The following SUGCT variants were observed in gnomAD, a reference collection of about 807,000 sequenced individuals.
SUGCT encodes the protein succinyl-CoA:glutarate-CoA transferase, also known as succinyl-CoA:glutarate CoA-transferase.
A neutral mutation model predicts 55.0 loss-of-function variants in SUGCT; 41 were observed. The ratio of observed to expected loss-of-function variants is 0.74; its 90% CI spans 0.58 to 0.97. The LOEUF (loss-of-function observed/expected upper bound fraction) is 0.97. Ranked by LOEUF, SUGCT falls within the 50% of genes least tolerant of loss-of-function variation. The pLI, the probability that SUGCT is intolerant of heterozygous loss-of-function variation, is 0.00. For missense variants in SUGCT, 568 were observed against 547.8 expected, an observed-to-expected ratio of 1.04 and a Z score of -0.37; for synonymous variants, 187 against 200.4, an observed-to-expected ratio of 0.93 and a Z score of 0.56.
chr7:40,371,170 C>G (rs1784278585), intron 9 of SUGCT, among the ~76,000 whole-genome samples: 1 of 152,110 alleles, frequency 6.6e-6, no homozygotes, highest in African/African-American at 2.4e-5. Context: ...CCAATTTTCC[C>G]TCACTTTCTC....
At chr7:40,827,715 C>T (rs182321731) in intron 13 of SUGCT, among the ~76,000 whole-genome samples, 70 of 152,250 alleles carry the variant, frequency 4.6e-4, no homozygotes, top group Non-Finnish European at 8.5e-4. Context: ...ACTCGTTTGC[C>T]CATTCTCAGG....
the SUGCT span, among the ~76,000 whole-genome samples, chr7:41,007,863 A>AT: frequency 1.5e-4 from 21 of 144,112 alleles, no homozygotes; most frequent in Admixed American, 1.3e-3. Context: ...GGTCTTATGT[A>AT]TTTTTTTTAA....
At chr7:40,317,028 TTTTGCGTATTTC>T in intron 9 of SUGCT, among the ~76,000 whole-genome samples, 173 bp downstream of exon 9, 2 of 146,324 alleles carry the variant, frequency 1.4e-5, no homozygotes, top group Non-Finnish European at 3.0e-5. Flanking sequence ...TTAAGTTCTG[TTTTGCGTATTTC>T]TTCATCAGAA....
intron 13 of SUGCT, among the ~76,000 whole-genome samples, chr7:40,836,517 T>C (rs1382679926): frequency 6.6e-6 from 1 of 152,208 alleles, no homozygotes; most frequent in African/African-American, 2.4e-5. Flanking sequence ...ATCATACACG[T>C]AGATCCTTGT....
At chr7:40,441,452 G>A (rs1788510297) in intron 9 of SUGCT, among the ~76,000 whole-genome samples, 1 of 152,018 alleles carries the variant, frequency 6.6e-6, no homozygotes, top group Non-Finnish European at 1.5e-5. Flanking sequence ...AATAGGGCTT[G>A]ATTTGAATAC....
intron 7 of SUGCT, among the ~76,000 whole-genome samples, chr7:40,273,395 A>G (rs1224059859): frequency 6.6e-6 from 1 of 152,240 alleles, no homozygotes; most frequent in Non-Finnish European, 1.5e-5. Context: ...GAGGTAATTG[A>G]ATCACTGCAT....
intron 12 of SUGCT, among the ~76,000 whole-genome samples, chr7:40,580,329 C>T (rs927029166): frequency 6.6e-6 from 1 of 152,020 alleles, no homozygotes; most frequent in Admixed American, 6.6e-5. Context: ...AAGGTAGAGA[C>T]CATTCTATAA....
rs1248403346 is a variant in SUGCT, at chr7:40,817,165, C to T, written c.1154-43151C>T. Among the ~76,000 whole-genome samples the T allele has an allele frequency of 2.6e-5, 4 of 152,152 alleles. No homozygotes were observed. The East Asian group carries it at 7.7e-4, about 29-fold the overall frequency. ...AATTCTGACTTTTTACTTATTTATC[C>T]ACTCAAAAAATAGTAGTAAGTACCT... On this transcript the variant is annotated intron_variant, in intron 13 of 13. Coordinates refer to ENST00000335693, the MANE Select transcript of SUGCT (RefSeq NM_001193313.2).
At chr7:40,140,047 C>T (rs1463460685) in intron 1 of SUGCT, among the ~76,000 whole-genome samples, 2 of 151,958 alleles carry the variant, frequency 1.3e-5, no homozygotes, top group African/African-American at 4.8e-5. Flanking sequence ...GGATTACAGG[C>T]ATGCGCCACC....
intron 13 of SUGCT, among the ~76,000 whole-genome samples, chr7:40,858,460 T>A (rs2128807782): frequency 6.7e-6 from 1 of 149,182 alleles, no homozygotes; most frequent in Middle Eastern, 3.5e-3. Context: ...CTATGATAGC[T>A]ATTACTACTA....
chr7:40,653,171 G>A (rs1312360199), intron 12 of SUGCT, among the ~76,000 whole-genome samples: 1 of 152,136 alleles, frequency 6.6e-6, no homozygotes, highest in Non-Finnish European at 1.5e-5. Context: ...CCATGGCTGG[G>A]CAAAGGAAGT....
chr7:40,728,985 G>C (rs936662501), intron 12 of SUGCT, among the ~76,000 whole-genome samples: 2 of 152,174 alleles, frequency 1.3e-5, no homozygotes, highest in Non-Finnish European at 2.9e-5. Context: ...CCTATTTACA[G>C]ATAATTAAAC....
chr7:40,948,691 G>C, the SUGCT span, among the ~76,000 whole-genome samples: 1 of 149,778 alleles, frequency 6.7e-6, no homozygotes, highest in Non-Finnish European at 1.5e-5. Context: ...ACTTATTAGT[G>C]AGAACATGCC....
chr7:40,865,151 CT>C (rs1452322851), downstream of SUGCT, among the ~76,000 whole-genome samples: 1 of 151,864 alleles, frequency 6.6e-6, no homozygotes. Context: ...CCAACCCCCC[CT>C]CCTCCTCTCT....
intron 9 of SUGCT, among the ~76,000 whole-genome samples, chr7:40,434,420 A>G (rs1788062657): frequency 6.6e-6 from 1 of 151,850 alleles, no homozygotes; most frequent in African/African-American, 2.4e-5. Context: ...CTCTTCCTAT[A>G]GTCACACATA....
intron 12 of SUGCT, among the ~76,000 whole-genome samples, chr7:40,567,772 G>C (rs1796227044): frequency 1.3e-5 from 2 of 152,180 alleles, no homozygotes; most frequent in Admixed American, 1.3e-4. Context: ...TTGCAAGTAG[G>C]CTTCTCTAAG....
intron 12 of SUGCT, among the ~76,000 whole-genome samples, chr7:40,667,698 T>A (rs1801720836): frequency 6.6e-6 from 1 of 152,080 alleles, no homozygotes; most frequent in African/African-American, 2.4e-5. Flanking sequence ...TTCCAGTAAT[T>A]TATTCATTTC....
intron 12 of SUGCT, among the ~76,000 whole-genome samples, chr7:40,535,300 C>G (rs1316809276): frequency 6.6e-6 from 1 of 152,168 alleles, no homozygotes; most frequent in East Asian, 1.9e-4. Flanking sequence ...TTGGTCAACC[C>G]TTGTTCCCCT....
rs1346845553 is a variant in SUGCT at position 40,613,294 on chromosome 7, G to A, written c.1089+116908G>A. Among the ~76,000 whole-genome samples, 4 of 152,258 alleles carry A rather than the reference G, an allele frequency of 2.6e-5. 1 individual carries two copies. The highest frequency in any genetic ancestry group is 4.2e-4 in the South Asian group (2 of 4,816). ...TGAGGCTGCTTTCACAGCTGGAGTC[G>A]CTAAAAGGGGCACGAAGTGAAGATG... On this transcript the variant is annotated intron_variant, in intron 12 of 13. Coordinates refer to ENST00000335693, the MANE Select transcript of SUGCT (RefSeq NM_001193313.2).
Sources: gnomAD v4.1 joint callset for allele counts (sites outside exome capture counted in the v4.1 genomes callset) on GRCh38, gnomAD v4.1.1 for gene constraint, MANE v1.5 for transcripts, NCBI Gene and HGNC (gene_info 2026-07-23, HGNC 2026-07-21) for gene names.